Variants in RNF182 observed in about 807,000 individuals in gnomAD.
RNF182 encodes the protein ring finger protein 182.
In RNF182, 15 loss-of-function variants were observed where a neutral mutation model predicts 14.4. That is an observed-to-expected ratio of 1.04 (90% CI 0.70 to 1.60). The LOEUF (loss-of-function observed/expected upper bound fraction) is 1.60, where lower values mean the gene tolerates loss of function less well. RNF182 is among the 40% of genes most tolerant of loss of function. The probability of loss-of-function intolerance (pLI) is 0.00; values close to 1 mark genes in which losing one functional copy is unlikely to be tolerated. For synonymous variants in RNF182, 128 were observed against 122.9 expected (o/e 1.04, Z -0.27); for missense variants, 268 against 294.8 (o/e 0.91, Z 0.67).
chr6:13,961,981 A>AT (rs1222355064), intron 1 of RNF182, among the ~76,000 whole-genome samples: 1 of 152,060 alleles, frequency 6.6e-6, no homozygotes, highest in Non-Finnish European at 1.5e-5. Flanking sequence ...AGTGAGAAGG[A>AT]TTTTTTTGAA....
intron 1 of RNF182, among the ~76,000 whole-genome samples, chr6:13,968,367 G>A (rs1315488779): frequency 6.6e-6 from 1 of 152,090 alleles, no homozygotes; most frequent in African/African-American, 2.4e-5. Context: ...TTTAACTGAG[G>A]AAGAAATGAA....
intron 2 of RNF182, among the ~76,000 whole-genome samples, chr6:13,974,913 G>A (rs1360604960): frequency 6.6e-6 from 1 of 152,184 alleles, no homozygotes; most frequent in Admixed American, 6.5e-5. Context: ...AGACACTGCT[G>A]CTAACCCTAC....
At chr6:13,955,853 G>T (rs1033670635) in intron 1 of RNF182, among the ~76,000 whole-genome samples, 2 of 152,154 alleles carry the variant, frequency 1.3e-5, no homozygotes, top group Admixed American at 6.5e-5. Flanking sequence ...AGGAGTTCAA[G>T]ACCAGCCTGG....
chr6:13,979,494 A>G lies in RNF182; in HGVS notation c.*1631A>G, dbSNP rs970488232. On this transcript the variant is annotated 3_prime_UTR_variant, in exon 3 of 3. Transcript: ENST00000488300. ...CTAAACTTCGGGAATATGTATGCCC[A>G]AAGTAAGTAGGATGAGAATAGTATA... 6.0e-6 allele frequency: 1 copy of G among 167,052 alleles called. No homozygotes were observed. The highest frequency in any genetic ancestry group is 1.5e-5 in the Non-Finnish European group (1 of 68,116). The allele number at this position is 167,052 out of a possible 1,614,324, so 10.3% of individuals were successfully genotyped here. A position where few individuals can be genotyped will look rare whatever the true frequency, so the allele number is the denominator to read the frequency against.
At chr6:13,935,252 G>A (rs1311317319) in intron 1 of RNF182, among the ~76,000 whole-genome samples, 1 of 152,104 alleles carries the variant, frequency 6.6e-6, no homozygotes, top group Non-Finnish European at 1.5e-5. Flanking sequence ...TTATGTGATC[G>A]ATTGATACCA....
chr6:13,950,543 G>A (rs114453160), intron 1 of RNF182, among the ~76,000 whole-genome samples: 2,356 of 129,094 alleles, frequency 0.018, 88 homozygotes, highest in African/African-American at 0.064. Context: ...TGTCTCCCAC[G>A]TTGGAGTGTG....
chr6:13,942,541 C>T (rs1462962955), intron 1 of RNF182, among the ~76,000 whole-genome samples: 1 of 151,954 alleles, frequency 6.6e-6, no homozygotes, highest in Non-Finnish European at 1.5e-5. Context: ...AAGATTTTAC[C>T]ATTTTGGCCA....
At chr6:13,933,693 G>C (rs1167595807) in intron 1 of RNF182, among the ~76,000 whole-genome samples, 1 of 152,012 alleles carries the variant, frequency 6.6e-6, no homozygotes, top group African/African-American at 2.4e-5. Flanking sequence ...TACACTTAGA[G>C]AACATCTCAA....
At chr6:13,928,857 G>T (rs1456372743) in intron 1 of RNF182, among the ~76,000 whole-genome samples, 1 of 152,146 alleles carries the variant, frequency 6.6e-6, no homozygotes, top group Non-Finnish European at 1.5e-5. Flanking sequence ...GTGGTGCAGG[G>T]GTGGGGGTGC....
intron 1 of RNF182, among the ~76,000 whole-genome samples, chr6:13,964,470 T>TTA (rs1235696729): frequency 6.6e-6 from 1 of 152,096 alleles, no homozygotes; most frequent in Non-Finnish European, 1.5e-5. Flanking sequence ...ACTCCAGGAA[T>TTA]TATAGTTGGC....
At chr6:13,933,027 C>G (rs981270304) in intron 1 of RNF182, among the ~76,000 whole-genome samples, 11 of 152,104 alleles carry the variant, frequency 7.2e-5, no homozygotes, top group African/African-American at 2.7e-4. Flanking sequence ...AATATGGTTG[C>G]TTATTGATCA....
Position 13,977,632 on chromosome 6 carries a change from G to A in RNF182, c.513G>A (p.Trp171Ter). Residue 171 changes from tryptophan (W) to a stop codon, truncating the protein, a stop_gained, in exon 3 of 3, where the codon TGG becomes TGA. Transcript: ENST00000488300. LOFTEE classifies it high-confidence loss of function. ...CTGTGTCACACAACTGGACTGTGTG[G>A]AACTGCACGTCCCTGCTGTTTCAGA... Reference protein sequence around the residue: ...VTTVSHNWTVWNCTSLLFQTS... With the variant: ...VTTVSHNWTV 6.2e-7 allele frequency: 1 copy of A among 1,614,206 alleles called. No individual in the cohort carries two copies. Among genetic ancestry groups the A allele is most frequent in the Non-Finnish European group, 8.5e-7 (1 of 1,180,026 alleles).
chr6:13,935,833 T>C (rs1180421140), intron 1 of RNF182, among the ~76,000 whole-genome samples: 1 of 152,248 alleles, frequency 6.6e-6, no homozygotes, highest in African/African-American at 2.4e-5. Context: ...AAATGGGCTA[T>C]GCTATTGATA....
At chr6:13,949,058 C>A in intron 1 of RNF182, 1 of 643,424 alleles carries the variant, frequency 1.6e-6, no homozygotes, top group South Asian at 1.8e-5. Context: ...TTTTCACAAA[C>A]CTTTTATAAC....
chr6:13,974,592 A>G (rs561603627), intron 2 of RNF182, among the ~76,000 whole-genome samples: 4 of 152,344 alleles, frequency 2.6e-5, no homozygotes, highest in South Asian at 4.1e-4. Context: ...ATTATCAGCT[A>G]GAAATTGTGG....
intron 1 of RNF182, among the ~76,000 whole-genome samples, chr6:13,932,915 T>C (rs1759008533): frequency 6.6e-6 from 1 of 152,220 alleles, no homozygotes; most frequent in Non-Finnish European, 1.5e-5. Context: ...TAGAAGGAAG[T>C]TTATAATCTC....
chr6:13,969,717 C>G (rs576744845), intron 1 of RNF182, among the ~76,000 whole-genome samples: 1 of 152,106 alleles, frequency 6.6e-6, no homozygotes, highest in East Asian at 1.9e-4. Flanking sequence ...ATCATTTGCC[C>G]AATAGTCCAG....
chr6:13,934,764 AG>A (rs1157284068), intron 1 of RNF182, among the ~76,000 whole-genome samples: 1 of 148,626 alleles, frequency 6.7e-6, no homozygotes, highest in Non-Finnish European at 1.5e-5. Context: ...GAATATTAGC[AG>A]AGATAAATAA....
intron 1 of RNF182, among the ~76,000 whole-genome samples, chr6:13,926,183 A>G (rs559983584): frequency 1.3e-5 from 2 of 152,346 alleles, no homozygotes; most frequent in South Asian, 2.1e-4. Flanking sequence ...AAAATAATGT[A>G]TAAGTTGGAA....
Sources: allele counts gnomAD v4.1 joint callset (sites outside exome capture counted in the v4.1 genomes callset), GRCh38; gene constraint gnomAD v4.1.1; transcripts MANE v1.5; gene names NCBI Gene and HGNC (gene_info 2026-07-23, HGNC 2026-07-21).